EYA4: variants seen among roughly 807,000 people sequenced by gnomAD.
EYA4 encodes protein phosphatase EYA4.
A neutral mutation model predicts 87.9 loss-of-function variants in EYA4; 31 were observed. That is an observed-to-expected ratio of 0.35 (90% CI 0.27 to 0.48). The LOEUF is 0.48. Among genes scored for constraint, EYA4 ranks in the 20% least tolerant of loss-of-function variants. The probability of loss-of-function intolerance (pLI) is 0.99; values close to 1 mark genes in which losing one functional copy is unlikely to be tolerated. For synonymous variants in EYA4, 263 were observed against 270.6 expected (o/e 0.97, Z 0.28); for missense variants, 678 against 761.4 (o/e 0.89, Z 1.29).
intron 12 of EYA4, among the ~76,000 whole-genome samples, chr6:133,482,771 G>T (rs1583415316): frequency 6.6e-6 from 1 of 152,038 alleles, no homozygotes; most frequent in Non-Finnish European, 1.5e-5. Context: ...TCTCTTTTTG[G>T]TGTTAACTAC....
intron 1 of EYA4, among the ~76,000 whole-genome samples, chr6:133,258,307 A>G (rs1440485190): frequency 6.6e-6 from 1 of 152,128 alleles, no homozygotes; most frequent in African/African-American, 2.4e-5. Context: ...GTCAAGAGAG[A>G]GGGGGCAAAT....
At chr6:133,298,434 C>T (rs1779110308) in intron 2 of EYA4, among the ~76,000 whole-genome samples, 1 of 152,022 alleles carries the variant, frequency 6.6e-6, no homozygotes, top group Non-Finnish European at 1.5e-5. Context: ...GTGGAAAGAA[C>T]AAGAAAATCT....
In EYA4 at chr6:133,481,392, A is replaced by T. The variant is rs1796204985; in HGVS notation, c.971-71A>T. On this transcript the variant is annotated intron_variant, in intron 11 of 19. Transcript: ENST00000355286. The stretch of plus-strand genomic sequence containing the variant: ...TATTGTATAGGAATTTGTTAAGATA[A>T]TTAATAATGAAGACTCATACTTGAT... 8 of 1,418,204 alleles carry T rather than the reference A, an allele frequency of 5.6e-6. No individual in the cohort carries two copies. The South Asian group carries it at 9.2e-5, about 16-fold the overall frequency. The allele number at this position is 1,418,204 out of a possible 1,614,324, so 87.9% of individuals were successfully genotyped here.
chr6:133,354,203 T>TAC (rs1462153505), intron 2 of EYA4, among the ~76,000 whole-genome samples: 1 of 152,148 alleles, frequency 6.6e-6, no homozygotes, highest in Non-Finnish European at 1.5e-5. Context: ...AATCCTTATT[T>TAC]ACAGCTTCTG....
intron 1 of EYA4, among the ~76,000 whole-genome samples, chr6:133,257,044 C>T (rs1162148547): frequency 6.6e-6 from 1 of 152,054 alleles, no homozygotes; most frequent in Admixed American, 6.6e-5. Context: ...TATGGGGAAG[C>T]TGCTTTGTGC....
chr6:133,304,172 T>C, intron 2 of EYA4, among the ~76,000 whole-genome samples: 1 of 152,196 alleles, frequency 6.6e-6, no homozygotes, highest in East Asian at 1.9e-4. Context: ...GTGGCCATCA[T>C]TTAGCTCACC....
At chr6:133,465,159 C>A (rs1794739248) in intron 10 of EYA4, among the ~76,000 whole-genome samples, 1 of 151,928 alleles carries the variant, frequency 6.6e-6, no homozygotes, top group African/African-American at 2.4e-5. Flanking sequence ...TTAAAATATA[C>A]TAAGAACAAT....
At chr6:133,366,944 T>A (rs1784897097) in intron 2 of EYA4, among the ~76,000 whole-genome samples, 1 of 152,242 alleles carries the variant, frequency 6.6e-6, no homozygotes. Flanking sequence ...TTCTCCCATG[T>A]TGGCTCTGTT....
rs148245861 is a variant in EYA4, at chr6:133,349,773, A to G, written c.34-32619A>G. On this transcript the variant is annotated intron_variant, in intron 2 of 19. Coordinates refer to ENST00000355286, the MANE Select transcript of EYA4 (RefSeq NM_004100.5). ...ACAGTGCCTTGCCATTTGACTTAGA[A>G]GAAGCAGCTGCAAATCCAGATTTTT... Among the ~76,000 whole-genome samples, 187 of 152,248 alleles carry G rather than the reference A, an allele frequency of 1.2e-3. 6 individuals carry two copies. The highest frequency in any genetic ancestry group is 4.1e-3 in the African/African-American group (172 of 41,484).
chr6:133,441,018 G>A (rs1792223741), intron 3 of EYA4, among the ~76,000 whole-genome samples: 1 of 152,060 alleles, frequency 6.6e-6, no homozygotes, highest in Admixed American at 6.5e-5. Flanking sequence ...TGATGTTTGT[G>A]GTGCTGTAAG....
intron 2 of EYA4, among the ~76,000 whole-genome samples, chr6:133,306,153 T>A (rs1038722317): frequency 1.3e-5 from 2 of 152,200 alleles, no homozygotes; most frequent in African/African-American, 4.8e-5. Context: ...TATTGCATGA[T>A]GATTAGTACA....
chr6:133,435,305 AC>A (rs1013355521), intron 3 of EYA4: 3 of 152,272 alleles, frequency 2.0e-5, no homozygotes, highest in Non-Finnish European at 4.4e-5. Context: ...GGTCACTTGC[AC>A]TGCAAGCACT....
chr6:133,510,843 T>C (rs1462035544), intron 14 of EYA4: 1 of 155,186 alleles, frequency 6.4e-6, no homozygotes, highest in African/African-American at 2.4e-5. Context: ...GTGGTAATCC[T>C]GTAAAGAATT....
intron 11 of EYA4, among the ~76,000 whole-genome samples, chr6:133,474,385 T>C (rs1219298736): frequency 6.6e-6 from 1 of 152,078 alleles, no homozygotes; most frequent in Non-Finnish European, 1.5e-5. Context: ...TCCTATTAAA[T>C]ATATTAAATG....
intron 3 of EYA4, among the ~76,000 whole-genome samples, chr6:133,395,893 T>A (rs1273468223): frequency 6.6e-6 from 1 of 152,256 alleles, no homozygotes; most frequent in African/African-American, 2.4e-5. Context: ...GAGAGTTTAC[T>A]TTCAAGAAAG....
chr6:133,265,057 G>T (rs1366675507), intron 1 of EYA4, among the ~76,000 whole-genome samples: 1 of 152,020 alleles, frequency 6.6e-6, no homozygotes, highest in Admixed American at 6.5e-5. Context: ...CCATTTCTGA[G>T]AATTGTCTTA....
intron 3 of EYA4, among the ~76,000 whole-genome samples, chr6:133,421,440 A>T (rs1427374996): frequency 1.3e-5 from 2 of 152,240 alleles, no homozygotes; most frequent in African/African-American, 2.4e-5. Flanking sequence ...TGGGCGAGCC[A>T]CGATGTTTTG....
At chr6:133,525,487 T>G (rs1398325507) in intron 19 of EYA4, among the ~76,000 whole-genome samples, 1 of 152,146 alleles carries the variant, frequency 6.6e-6, no homozygotes, top group Non-Finnish European at 1.5e-5. Context: ...TATTTATGTG[T>G]TTGAAAGTAT....
At chr6:133,451,963 T>G (rs1793493183) in intron 5 of EYA4, among the ~76,000 whole-genome samples, 1 of 152,174 alleles carries the variant, frequency 6.6e-6, no homozygotes, top group South Asian at 2.1e-4. Flanking sequence ...AGATTTTTTT[T>G]TAGAATAAAA....
Sources: allele counts gnomAD v4.1 joint callset (sites outside exome capture counted in the v4.1 genomes callset), GRCh38; gene constraint gnomAD v4.1.1; transcripts MANE v1.5; gene names NCBI Gene and HGNC (gene_info 2026-07-23, HGNC 2026-07-21).